TMEM132D: variants seen among roughly 807,000 people sequenced by gnomAD.
The protein encoded by TMEM132D is transmembrane protein 132D, also known as mature OL transmembrane protein.
In TMEM132D, 21 loss-of-function variants were observed where a neutral mutation model predicts 62.3. That is an observed-to-expected ratio of 0.34 (90% CI 0.24 to 0.49). TMEM132D has a LOEUF of 0.49. Ranked by LOEUF, TMEM132D falls within the 20% of genes least tolerant of loss-of-function variation. TMEM132D has a pLI of 0.99. For synonymous variants in TMEM132D, 621 were observed against 575.6 expected, an observed-to-expected ratio of 1.08 and a Z score of -1.13; for missense variants, 1,346 against 1,402.8, an observed-to-expected ratio of 0.96 and a Z score of 0.65.
intron 2 of TMEM132D, among the ~76,000 whole-genome samples, chr12:129,613,734 G>A (rs1053128925): frequency 2.0e-5 from 3 of 152,230 alleles, no homozygotes; most frequent in African/African-American, 4.8e-5. Context: ...CCAGAACCCA[G>A]GGGACTGTCT....
intron 3 of TMEM132D, 93 bp from the exon 4 acceptor site, chr12:129,337,910 T>G (rs1869346261): frequency 7.5e-7 from 1 of 1,340,162 alleles, no homozygotes; most frequent in Admixed American, 2.3e-5. Flanking sequence ...CATTTCTCTA[T>G]GTACCTCCAC....
In TMEM132D at chr12:129,180,125, G is replaced by A. The variant is rs137921097; in HGVS notation, c.1443+29395C>T. Among the ~76,000 whole-genome samples the A allele has an allele frequency of 4.5e-3, 682 of 152,204 alleles. 9 individuals are homozygous for A. Among genetic ancestry groups the A allele is most frequent in the African/African-American group, 0.016 (658 of 41,526 alleles). ...CTGCTGGACACCTGCCACATGCTGG[G>A]ACTTTGACCACTCTCTATGGACCAT... On this transcript the variant is annotated intron_variant, in intron 5 of 8. Transcript: ENST00000422113.
At chr12:129,536,023 T>G (rs553349248) in intron 2 of TMEM132D, among the ~76,000 whole-genome samples, 1 of 152,284 alleles carries the variant, frequency 6.6e-6, no homozygotes, top group African/African-American at 2.4e-5. Context: ...AATCAATAAC[T>G]GACTGTAGAA....
At chr12:129,570,981 G>C (rs1459533976) in intron 2 of TMEM132D, among the ~76,000 whole-genome samples, 2 of 152,124 alleles carry the variant, frequency 1.3e-5, no homozygotes, top group African/African-American at 4.8e-5. Flanking sequence ...AGAAGCCAAG[G>C]GTGGCTGTGA....
At chr12:129,427,817 G>C (rs1872541742) in intron 3 of TMEM132D, among the ~76,000 whole-genome samples, 1 of 151,936 alleles carries the variant, frequency 6.6e-6, no homozygotes, top group Non-Finnish European at 1.5e-5. Context: ...CAATGCAATA[G>C]ATATTAAAAC....
At chr12:129,367,777 CT>C (rs60004106) in intron 3 of TMEM132D, among the ~76,000 whole-genome samples, 49,928 of 122,238 alleles carry the variant, frequency 0.41, 7,388 homozygotes, top group East Asian at 0.57. Context: ...CATTTCTTTT[CT>C]TTTTTTTTTT....
chr12:129,524,929 T>TC (rs1331007188), intron 3 of TMEM132D, among the ~76,000 whole-genome samples: 1 of 32,234 alleles, frequency 3.1e-5, no homozygotes. Flanking sequence ...TCTTTTTTCT[T>TC]TTTTTTTTTT....
chr12:129,236,514 C>CAAAAAAAAAAAAAAAAA (rs60745384), intron 4 of TMEM132D, among the ~76,000 whole-genome samples: 5 of 67,086 alleles, frequency 7.5e-5, no homozygotes, highest in African/African-American at 2.8e-4. Context: ...GACTCCATCT[C>CAAAAAAAAAAAAAAAAA]AAAAAAAAAA....
At chr12:129,459,916 T>C (rs1873603329) in intron 3 of TMEM132D, among the ~76,000 whole-genome samples, 3 of 152,322 alleles carry the variant, frequency 2.0e-5, no homozygotes, top group Non-Finnish European at 4.4e-5. Context: ...CAGTGATGCA[T>C]AGAAGCATAG....
chr12:129,076,221 GGGCAT>G (rs1874251452), intron 8 of TMEM132D, among the ~76,000 whole-genome samples: 1 of 152,206 alleles, frequency 6.6e-6, no homozygotes, highest in Non-Finnish European at 1.5e-5. Context: ...GCAAATGTTT[GGGCAT>G]GGCATTTATC....
rs180694903 is a variant in TMEM132D at position 129,420,992 on chromosome 12, C to T, written c.1116-83175G>A. Among the ~76,000 whole-genome samples the T allele has an allele frequency of 6.9e-5, 10 of 145,182 alleles. No individual in the cohort carries two copies. In the East Asian group the frequency reaches 1.9e-3, roughly 28 times the overall value. ...TTTTTTTTTTTTTGAGACAGAGTCT[C>T]GCTCTGTTACCCAGGCTGGAGTGCA... On this transcript the variant is annotated intron_variant, in intron 3 of 8. Transcript: ENST00000422113.
intron 1 of TMEM132D, among the ~76,000 whole-genome samples, chr12:129,712,966 C>T (rs936122176): frequency 6.6e-6 from 1 of 152,128 alleles, no homozygotes; most frequent in Non-Finnish European, 1.5e-5. Context: ...TGGATGCTTA[C>T]GTGAGAGAAG....
intron 3 of TMEM132D, among the ~76,000 whole-genome samples, chr12:129,476,161 A>C (rs531550774): frequency 6.6e-6 from 1 of 152,302 alleles, no homozygotes; most frequent in South Asian, 2.1e-4. Flanking sequence ...CAAATGTGGC[A>C]ATCAAAAATA....
chr12:129,192,019 C>T (rs778125461), intron 5 of TMEM132D, among the ~76,000 whole-genome samples: 1 of 152,136 alleles, frequency 6.6e-6, no homozygotes, highest in Admixed American at 6.6e-5. Flanking sequence ...TCTTCTGAAC[C>T]CTGGGTCTCT....
rs138463612 is a variant in TMEM132D, at chr12:129,624,966, C to T, written c.968+74844G>A. On this transcript the variant is annotated intron_variant, in intron 2 of 8. Coordinates refer to ENST00000422113, the MANE Select transcript of TMEM132D (RefSeq NM_133448.3). ...AAGCTGCAGTGATTCCCTCTGGCGA[C>T]GTGTGAGCGTTTCCATTGCTCCACA... Among the ~76,000 whole-genome samples the T allele has an allele frequency of 1.5e-3, 232 of 152,346 alleles. 1 individual carries two copies. The highest frequency in any genetic ancestry group is 5.1e-3 in the African/African-American group (211 of 41,578).
chr12:129,520,314 C>T (rs12367259), intron 3 of TMEM132D, among the ~76,000 whole-genome samples: 36,681 of 152,100 alleles, frequency 0.24, 5,272 homozygotes, highest in Non-Finnish European at 0.32. Flanking sequence ...GGGGTGCATA[C>T]GTCTCTAATC....
chr12:129,687,150 A>G (rs1049366719), intron 2 of TMEM132D, among the ~76,000 whole-genome samples: 1 of 152,158 alleles, frequency 6.6e-6, no homozygotes, highest in African/African-American at 2.4e-5. Context: ...GCACTGAGCT[A>G]CGGCACCTGT....
intron 1 of TMEM132D, among the ~76,000 whole-genome samples, chr12:129,727,473 T>C (rs1177586241): frequency 6.6e-6 from 1 of 152,130 alleles, no homozygotes; most frequent in African/African-American, 2.4e-5. Context: ...CTCTTAAAGG[T>C]CCCACCTCTT....
At chr12:129,515,588 T>C (rs1368931913) in intron 3 of TMEM132D, among the ~76,000 whole-genome samples, 2 of 152,104 alleles carry the variant, frequency 1.3e-5, no homozygotes, top group Non-Finnish European at 1.5e-5. Flanking sequence ...GACCTCCTCC[T>C]CCCATTCTCC....
Sources: gnomAD v4.1 joint callset for allele counts (sites outside exome capture counted in the v4.1 genomes callset) on GRCh38, gnomAD v4.1.1 for gene constraint, MANE v1.5 for transcripts, NCBI Gene and HGNC (gene_info 2026-07-23, HGNC 2026-07-21) for gene names.